UBAC2: variants seen among roughly 807,000 people sequenced by gnomAD.
The protein encoded by UBAC2 is UBA domain containing 2.
Under a neutral mutation model 44.0 loss-of-function variants are expected in UBAC2, and 26 were observed. That is an observed-to-expected ratio of 0.59 (90% CI 0.43 to 0.82). The LOEUF (loss-of-function observed/expected upper bound fraction) is 0.82, where lower values mean the gene tolerates loss of function less well. Ranked by LOEUF, UBAC2 falls within the 40% of genes least tolerant of loss-of-function variation. The pLI is 0.00. For missense variants in UBAC2, 329 were observed against 419.4 expected, an observed-to-expected ratio of 0.78 and a Z score of 1.88; for synonymous variants, 155 against 154.3, an observed-to-expected ratio of 1.00 and a Z score of -0.04.
chr13:99,348,616 C>T (rs1038004771), intron 7 of UBAC2, among the ~76,000 whole-genome samples: 1 of 152,240 alleles, frequency 6.6e-6, no homozygotes. Context: ...TGTGTTCATC[C>T]TGCCAGAAGT....
intron 8 of UBAC2, among the ~76,000 whole-genome samples, chr13:99,373,469 A>G (rs2045436560): frequency 6.6e-6 from 1 of 152,220 alleles, no homozygotes; most frequent in African/African-American, 2.4e-5. Flanking sequence ...GACAGTGACC[A>G]GCTGTCTGCT....
chr13:99,261,404 C>T (rs2043659394), intron 4 of UBAC2, among the ~76,000 whole-genome samples: 1 of 152,194 alleles, frequency 6.6e-6, no homozygotes, highest in African/African-American at 2.4e-5. Context: ...GTAAGAGTTT[C>T]TGCATAAAGA....
intron 1 of UBAC2, among the ~76,000 whole-genome samples, chr13:99,216,156 C>T (rs1242867810): frequency 6.6e-6 from 1 of 151,714 alleles, no homozygotes; most frequent in Non-Finnish European, 1.5e-5. Flanking sequence ...AGCTGGAGTG[C>T]AGTGGTGCAA....
At chr13:99,359,353 A>G (rs2045232926) in intron 7 of UBAC2, among the ~76,000 whole-genome samples, 1 of 152,298 alleles carries the variant, frequency 6.6e-6, no homozygotes, top group South Asian at 2.1e-4. Context: ...TTCTCTTTCT[A>G]CTTTTGTTGC....
intron 4 of UBAC2, among the ~76,000 whole-genome samples, chr13:99,301,031 G>A (rs959002063): frequency 6.6e-6 from 1 of 152,132 alleles, no homozygotes; most frequent in African/African-American, 2.4e-5. Context: ...ATTTATCATT[G>A]TATTGCCTAG....
chr13:99,210,639 G>A (rs1050442295), intron 1 of UBAC2, among the ~76,000 whole-genome samples: 2 of 151,786 alleles, frequency 1.3e-5, no homozygotes, highest in Non-Finnish European at 2.9e-5. Flanking sequence ...CACCACGTCC[G>A]GCTAATTTTG....
At chr13:99,365,947 A>G (rs2045325012) in intron 7 of UBAC2, among the ~76,000 whole-genome samples, 1 of 152,034 alleles carries the variant, frequency 6.6e-6, no homozygotes, top group South Asian at 2.1e-4. Flanking sequence ...CATGTATTCT[A>G]TTGATTTTAT....
At chr13:99,291,896 G>GT (rs1205063530) in intron 4 of UBAC2, among the ~76,000 whole-genome samples, 2 of 152,198 alleles carry the variant, frequency 1.3e-5, no homozygotes, top group Non-Finnish European at 2.9e-5. Flanking sequence ...CCTTCAATGT[G>GT]TAGGTTCTAT....
chr13:99,337,372 A>G (rs1159926952), intron 6 of UBAC2, among the ~76,000 whole-genome samples: 2 of 151,638 alleles, frequency 1.3e-5, no homozygotes, highest in Non-Finnish European at 2.9e-5. Flanking sequence ...AAGGCCTTAT[A>G]TATATATTAT....
rs371163027 is a variant in UBAC2 at position 99,302,960 on chromosome 13, A to T, written c.390-11137A>T. 1.4e-3 allele frequency among the ~76,000 whole-genome samples: 211 copies of T among 152,314 alleles called. 2 individuals carry two copies. Among genetic ancestry groups the T allele is most frequent in the African/African-American group, 5.0e-3 (206 of 41,568 alleles). On this transcript the variant is annotated intron_variant, in intron 4 of 8. Transcript: ENST00000403766. ...TCATTTTTTAGAAGGATTGAGAACA[A>T]TGATATTCAGCATAGAGTTGACTGT...
rs36041704 is a variant in UBAC2 at position 99,280,830 on chromosome 13, CCTCTCTCTCTCT to C, written c.390-33254_390-33243del. Among the ~76,000 whole-genome samples, 344 of 109,078 alleles carry C rather than the reference CCTCTCTCTCTCT, an allele frequency of 3.2e-3. 3 individuals are homozygous for C. The highest frequency in any genetic ancestry group is 0.011 in the South Asian group (43 of 4,004). The allele number at this position is 109,078 out of a possible 152,430, so 71.6% of individuals were successfully genotyped here. A position where few individuals can be genotyped will look rare whatever the true frequency, so the allele number is the denominator to read the frequency against. ...TCCCTTCTTCCTTCCTTCTTCTTTC[CCTCTCTCTCTCT>C]CTCTCTCTCTCTTTCTCACTCAGTA... On this transcript the variant is annotated intron_variant, in intron 4 of 8. Coordinates refer to ENST00000403766, the MANE Select transcript of UBAC2 (RefSeq NM_001144072.2).
chr13:99,378,537 TAAAA>T, intron 8 of UBAC2, among the ~76,000 whole-genome samples: 1 of 152,238 alleles, frequency 6.6e-6, no homozygotes. Flanking sequence ...AAAAATAAAA[TAAAA>T]AATAAAAACT....
chr13:99,371,155 GT>G (rs765816111), intron 8 of UBAC2, among the ~76,000 whole-genome samples: 34 of 144,076 alleles, frequency 2.4e-4, no homozygotes, highest in South Asian at 4.4e-4. Flanking sequence ...CTTCAGGGTT[GT>G]TTTTTTTTTT....
intron 1 of UBAC2, among the ~76,000 whole-genome samples, chr13:99,214,262 A>C (rs1463917034): frequency 2.0e-5 from 3 of 149,574 alleles, no homozygotes; most frequent in Admixed American, 1.3e-4. Flanking sequence ...TCCTGGAGTA[A>C]ATTTTTTTCG....
intron 4 of UBAC2, among the ~76,000 whole-genome samples, chr13:99,311,801 A>C (rs1310023369): frequency 6.6e-6 from 1 of 152,196 alleles, no homozygotes; most frequent in African/African-American, 2.4e-5. Context: ...GCCAGGTGCT[A>C]GGAGAACCAG....
intron 4 of UBAC2, among the ~76,000 whole-genome samples, chr13:99,263,931 C>T (rs2043705220): frequency 6.6e-6 from 1 of 152,142 alleles, no homozygotes; most frequent in Admixed American, 6.5e-5. Flanking sequence ...TTTCAAAAAG[C>T]AGATGAAATG....
At chr13:99,325,113 T>TTC (rs2044621270) in intron 6 of UBAC2, among the ~76,000 whole-genome samples, 1 of 146,224 alleles carries the variant, frequency 6.8e-6, no homozygotes, top group Non-Finnish European at 1.5e-5. Flanking sequence ...TTTTTTTTTT[T>TTC]TTTTTTTGAT....
chr13:99,321,455 C>T lies in UBAC2; in HGVS notation c.561+3386C>T, dbSNP rs1013170424. 3.3e-5 allele frequency among the ~76,000 whole-genome samples: 5 copies of T among 152,210 alleles called. No individual in the cohort carries two copies. In the South Asian group the frequency reaches 1.0e-3, roughly 32 times the overall value. Reference sequence around the variant, plus strand: ...TCCCAAGTAGCTGGAATTGCAGGTGCACGCCACCAAGCCCGGCTACTTTTT... The same window carrying T: ...TCCCAAGTAGCTGGAATTGCAGGTGTACGCCACCAAGCCCGGCTACTTTTT... On this transcript the variant is annotated intron_variant, in intron 6 of 8. Transcript: ENST00000403766.
chr13:99,230,148 T>A (rs2043156211), intron 1 of UBAC2, among the ~76,000 whole-genome samples: 1 of 152,132 alleles, frequency 6.6e-6, no homozygotes. Flanking sequence ...TAACAAATTA[T>A]CACAAACGTG....
Sources: gnomAD v4.1 joint callset for allele counts (sites outside exome capture counted in the v4.1 genomes callset) on GRCh38, gnomAD v4.1.1 for gene constraint, MANE v1.5 for transcripts, NCBI Gene and HGNC (gene_info 2026-07-23, HGNC 2026-07-21) for gene names.